Variants in WDTC1 observed in about 807,000 individuals in gnomAD.
WDTC1 encodes the protein WD and tetratricopeptide repeats 1.
A neutral mutation model predicts 76.0 loss-of-function variants in WDTC1; 12 were observed. The observed-to-expected ratio is 0.16, with a 90% CI of 0.10 to 0.26. WDTC1 has a LOEUF of 0.26. Among genes scored for constraint, WDTC1 ranks in the 10% least tolerant of loss-of-function variants. The pLI is 1.00. For synonymous variants in WDTC1, 326 were observed against 350.8 expected (o/e 0.93, Z 0.79); for missense variants, 511 against 908.8 (o/e 0.56, Z 5.63).
intron 2 of WDTC1, among the ~76,000 whole-genome samples, 160 bp from the exon 3 acceptor site, chr1:27,262,992 C>A (rs944730321): frequency 6.6e-6 from 1 of 152,112 alleles, no homozygotes. Context: ...CTATTCTTCT[C>A]TAATCCTTGC....
chr1:27,236,444 T>C (rs976924291), intron 1 of WDTC1, among the ~76,000 whole-genome samples: 2 of 152,216 alleles, frequency 1.3e-5, no homozygotes, highest in African/African-American at 4.8e-5. Context: ...GCACTTCTGT[T>C]CGAGTCTTAT....
At chr1:27,282,333 G>A in intron 4 of WDTC1, 48 bp downstream of exon 4, 1 of 1,597,676 alleles carries the variant, frequency 6.3e-7, no homozygotes, top group Non-Finnish European at 8.6e-7. Context: ...AGGAAGTAAG[G>A]AGGGTGGAAC....
chr1:27,294,736 T>C (rs985595690), intron 9 of WDTC1, 107 bp downstream of exon 9: 39 of 884,782 alleles, frequency 4.4e-5, no homozygotes, highest in Non-Finnish European at 6.0e-5. Flanking sequence ...AACAGCCTTA[T>C]GGTAAATGAT....
At chr1:27,285,953 A>T (rs1237016812) in intron 5 of WDTC1, among the ~76,000 whole-genome samples, 1 of 141,622 alleles carries the variant, frequency 7.1e-6, no homozygotes, top group Non-Finnish European at 1.5e-5. Context: ...TTCTTATCAG[A>T]TGTCATCTGG....
At chr1:27,260,195 C>T (rs1312681306) in intron 1 of WDTC1, among the ~76,000 whole-genome samples, 1 of 152,176 alleles carries the variant, frequency 6.6e-6, no homozygotes, top group African/African-American at 2.4e-5. Context: ...AGCTCCGCCT[C>T]CCAGGTTCAC....
rs534843520 is a variant in WDTC1, at chr1:27,239,699, C to A, written c.-100+4748C>A. 2.0e-5 allele frequency among the ~76,000 whole-genome samples: 3 copies of A among 149,240 alleles called. No individual in the cohort carries two copies. The East Asian group carries it at 6.1e-4, about 30-fold the overall frequency. ...CCGTGGTGGTGCACACCTGTAATCC[C>A]AGCTACTTGGGAGGCTGAGTCATGA... On this transcript the variant is annotated intron_variant, in intron 1 of 15. Transcript: ENST00000319394.
At position 27,297,076 on chromosome 1, in the gene WDTC1, C is replaced by T. The variant is rs116268483; in HGVS notation, c.978C>T (p.Asn326=). The change falls in exon 11 of 16, where the codon AAC becomes AAT. Residue 326 remains asparagine, a synonymous_variant. Coordinates refer to ENST00000319394, the MANE Select transcript of WDTC1 (RefSeq NM_001276252.2). ...GEVQNGKMST[N]GVSNGVSNGL... is the part of the protein sequence containing the mutation. ...TCCAGAATGGCAAGATGTCCACCAA[C>T]GGTGTGTCCAACGGTGTGTCCAATG... is the stretch of plus-strand genomic sequence containing the variant. 718 of 1,614,030 alleles carry T rather than the reference C, an allele frequency of 4.4e-4. 5 individuals carry two copies. The African/African-American group carries it at 7.9e-3, about 18-fold the overall frequency.
rs1432684209 is a variant in WDTC1 at position 27,305,283 on chromosome 1, AC to A, written c.1836+93del. On this transcript the variant is annotated intron_variant, in intron 15 of 15. Transcript: ENST00000319394. The surrounding 1 kb of genome is among the most constrained non-coding windows in gnomAD (Gnocchi z 4.6). ...CTAGCGCAGGGAAGAGAAATGAGCC[AC>A]CCAGAGGCTAGAAGCTGCTAAGTAA... 3.6e-5 allele frequency: 52 copies of A among 1,447,752 alleles called. No homozygotes were observed. The East Asian group carries it at 1.3e-3, about 35-fold the overall frequency. The allele number at this position is 1,447,752 out of a possible 1,614,324, so 89.7% of individuals were successfully genotyped here.
At chr1:27,259,857 C>T (rs1035833965) in intron 1 of WDTC1, among the ~76,000 whole-genome samples, 1 of 91,658 alleles carries the variant, frequency 1.1e-5, no homozygotes, top group Non-Finnish European at 2.3e-5. Flanking sequence ...TCCATCTCTA[C>T]AAAAAAAAAA....
intron 3 of WDTC1, among the ~76,000 whole-genome samples, 156 bp from the exon 4 acceptor site, chr1:27,282,083 C>G (rs2013205893): frequency 6.6e-6 from 1 of 152,122 alleles, no homozygotes; most frequent in African/African-American, 2.4e-5. Flanking sequence ...TTGTAAGACG[C>G]TAGTCAGTTT....
At chr1:27,237,175 C>T (rs2011507458) in intron 1 of WDTC1, among the ~76,000 whole-genome samples, 1 of 152,040 alleles carries the variant, frequency 6.6e-6, no homozygotes, top group Non-Finnish European at 1.5e-5. Flanking sequence ...GGGTCTCACT[C>T]TGTTGCCTGG....
At chr1:27,304,344 T>G (rs2013902455) in intron 14 of WDTC1, 1 of 160,012 alleles carries the variant, frequency 6.2e-6, no homozygotes, top group African/African-American at 2.4e-5. Context: ...GCACAGTGGC[T>G]CATGCCCGTA....
intron 1 of WDTC1, among the ~76,000 whole-genome samples, chr1:27,247,752 C>G (rs1336238628): frequency 7.2e-6 from 1 of 138,788 alleles, no homozygotes; most frequent in African/African-American, 2.7e-5. Context: ...GAGTTTCACT[C>G]TTGTTGCCCA....
intron 3 of WDTC1, among the ~76,000 whole-genome samples, chr1:27,278,542 C>T (rs2013096186): frequency 6.6e-6 from 1 of 152,214 alleles, no homozygotes; most frequent in African/African-American, 2.4e-5. Context: ...TTGCCATGAC[C>T]TGTAAAACAC....
chr1:27,276,922 A>G (rs769218283), intron 3 of WDTC1, among the ~76,000 whole-genome samples: 20 of 151,940 alleles, frequency 1.3e-4, no homozygotes, highest in Non-Finnish European at 8.8e-5. Flanking sequence ...TTGAGTTATA[A>G]GATATGTATG....
intron 1 of WDTC1, among the ~76,000 whole-genome samples, chr1:27,239,540 A>AC (rs2011568826): frequency 6.7e-6 from 1 of 149,050 alleles, no homozygotes; most frequent in African/African-American, 2.5e-5. Context: ...AAAAAAAAAA[A>AC]GCCAGTTGTG....
chr1:27,269,359 A>G (rs1225571895), intron 3 of WDTC1, among the ~76,000 whole-genome samples: 1 of 150,766 alleles, frequency 6.6e-6, no homozygotes, highest in African/African-American at 2.4e-5. Context: ...AAAAAGTACA[A>G]AACAGTAAAT....
intron 10 of WDTC1, 103 bp from the exon 11 acceptor site, chr1:27,296,945 C>A: frequency 9.8e-7 from 1 of 1,022,002 alleles, no homozygotes; most frequent in Non-Finnish European, 1.5e-6. Context: ...AACAGTCCCA[C>A]GATGGAACCA....
At chr1:27,293,095 AT>A (rs1007082668) in intron 7 of WDTC1, among the ~76,000 whole-genome samples, 9 of 151,124 alleles carry the variant, frequency 6.0e-5, no homozygotes, top group African/African-American at 2.2e-4. Context: ...CAATTTTGTG[AT>A]TTTTTAAAAA....
Sources: gnomAD v4.1 joint callset for allele counts (sites outside exome capture counted in the v4.1 genomes callset) on GRCh38, gnomAD v4.1.1 for gene constraint, Gnocchi (gnomAD v3.1) non-coding constraint, MANE v1.5 for transcripts, NCBI Gene and HGNC (gene_info 2026-07-23, HGNC 2026-07-21) for gene names.